Variants in MCTP2 observed in about 807,000 individuals in gnomAD.
The protein encoded by MCTP2 is multiple C2 and transmembrane domain containing 2.
Under a neutral mutation model 111.6 loss-of-function variants are expected in MCTP2, and 132 were observed. That is an observed-to-expected ratio of 1.18 (90% confidence interval 1.03 to 1.37). The LOEUF is 1.37. MCTP2 is among the 40% of genes most tolerant of loss of function. The probability of loss-of-function intolerance (pLI) is 0.00; values close to 1 mark genes in which losing one functional copy is unlikely to be tolerated. For missense variants in MCTP2, 1,183 were observed against 1,067.9 expected (o/e 1.11, Z -1.50); for synonymous variants, 395 against 387.7 (o/e 1.02, Z -0.22).
chr15:94,472,072 C>A (rs2073974139), intron 21 of MCTP2, among the ~76,000 whole-genome samples: 1 of 152,202 alleles, frequency 6.6e-6, no homozygotes, highest in African/African-American at 2.4e-5. Flanking sequence ...ATGCATCTTT[C>A]CTTCCACAAA....
intron 17 of MCTP2, among the ~76,000 whole-genome samples, chr15:94,431,464 A>C (rs984596969): frequency 2.6e-5 from 4 of 152,190 alleles, no homozygotes; most frequent in Non-Finnish European, 2.9e-5. Context: ...TGAATGTCTT[A>C]ATGTTGGCCA....
chr15:94,475,741 G>T (rs187667638), intron 21 of MCTP2, among the ~76,000 whole-genome samples: 1 of 152,094 alleles, frequency 6.6e-6, no homozygotes, highest in African/African-American at 2.4e-5. Context: ...TATGAGCTCC[G>T]GATATAGTCA....
chr15:94,356,502 AT>A (rs1452655953), intron 9 of MCTP2, among the ~76,000 whole-genome samples: 1 of 152,172 alleles, frequency 6.6e-6, no homozygotes, highest in Non-Finnish European at 1.5e-5. Flanking sequence ...GTACAGTTTA[AT>A]TTAGTAACTC....
intron 17 of MCTP2, among the ~76,000 whole-genome samples, chr15:94,412,838 G>A (rs765683488): frequency 6.6e-6 from 1 of 150,938 alleles, no homozygotes; most frequent in Non-Finnish European, 1.5e-5. Flanking sequence ...AACTTTTATA[G>A]GCTAATTCAT....
chr15:94,248,389 C>A (rs142991628), intron 1 of MCTP2, among the ~76,000 whole-genome samples: 1 of 152,152 alleles, frequency 6.6e-6, no homozygotes, highest in African/African-American at 2.4e-5. Flanking sequence ...CAGGCAAGGA[C>A]GTGACTGTGG....
In MCTP2 at chr15:94,379,808, TTA is replaced by T. The variant is rs201008582; in HGVS notation, c.1583-4210_1583-4209del. Among the ~76,000 whole-genome samples, 53 of 144,748 alleles carry T rather than the reference TTA, an allele frequency of 3.7e-4. No individual in the cohort carries two copies. The East Asian group carries it at 9.4e-3, about 26-fold the overall frequency. The allele number at this position is 144,748 out of a possible 152,430, so 95.0% of individuals were successfully genotyped here. ...ATTATATATGATATGTAATATATAA[TTA>T]TATGACATAATTATATATGACATAT... is the stretch of plus-strand genomic sequence containing the variant. On this transcript the variant is annotated intron_variant, in intron 12 of 22. Coordinates refer to ENST00000357742, the MANE Select transcript of MCTP2 (RefSeq NM_001385001.1).
chr15:94,422,342 G>C (rs1282061565), intron 17 of MCTP2, among the ~76,000 whole-genome samples: 1 of 152,270 alleles, frequency 6.6e-6, no homozygotes, highest in Admixed American at 6.5e-5. Flanking sequence ...TTCCTAGTTA[G>C]TGAGTGAGTG....
chr15:94,405,419 A>G (rs905275001), intron 17 of MCTP2, among the ~76,000 whole-genome samples: 3 of 152,240 alleles, frequency 2.0e-5, no homozygotes, highest in Non-Finnish European at 4.4e-5. Flanking sequence ...GCATGAACAT[A>G]ATCGTATCTT....
At chr15:94,373,723 C>T (rs567917301) in intron 12 of MCTP2, among the ~76,000 whole-genome samples, 2 of 152,176 alleles carry the variant, frequency 1.3e-5, no homozygotes, top group African/African-American at 2.4e-5. Context: ...TCTATGCCAA[C>T]GTTAGACGTG....
intron 19 of MCTP2, among the ~76,000 whole-genome samples, chr15:94,446,539 T>C (rs954377462): frequency 6.6e-6 from 1 of 152,204 alleles, no homozygotes; most frequent in Non-Finnish European, 1.5e-5. Flanking sequence ...TATCCCATAC[T>C]TAGGAAAGGT....
chr15:94,293,703 C>A (rs888817186), intron 1 of MCTP2, among the ~76,000 whole-genome samples: 1 of 152,134 alleles, frequency 6.6e-6, no homozygotes, highest in Non-Finnish European at 1.5e-5. Context: ...AATTAAAAGT[C>A]CTGATGGTAC....
intron 17 of MCTP2, among the ~76,000 whole-genome samples, chr15:94,404,060 C>T (rs956133078): frequency 1.2e-4 from 19 of 152,160 alleles, no homozygotes; most frequent in African/African-American, 4.6e-4. Context: ...AACTCTACTT[C>T]CAAAAATTTA....
chr15:94,402,488 C>T (rs774959112), intron 17 of MCTP2: 28 of 1,551,600 alleles, frequency 1.8e-5, no homozygotes, highest in Non-Finnish European at 2.2e-5. Context: ...TCATTCAGCA[C>T]CGCAAAGAGG....
intron 1 of MCTP2, among the ~76,000 whole-genome samples, chr15:94,275,984 G>GATT (rs1555444905): frequency 4.0e-5 from 6 of 151,758 alleles, no homozygotes; most frequent in Non-Finnish European, 8.8e-5. Flanking sequence ...GAGTAGCTGG[G>GATT]ACAGGCACTT....
At chr15:94,296,864 G>A (rs562612595) in intron 1 of MCTP2, among the ~76,000 whole-genome samples, 12 of 152,288 alleles carry the variant, frequency 7.9e-5, no homozygotes, top group South Asian at 4.1e-4. Flanking sequence ...AGTTCATCCT[G>A]GGAGAAGCTC....
At chr15:94,458,981 C>T (rs753489038) in intron 20 of MCTP2, among the ~76,000 whole-genome samples, 1 of 152,144 alleles carries the variant, frequency 6.6e-6, no homozygotes, top group Non-Finnish European at 1.5e-5. Context: ...GACATGATAG[C>T]TAAACTCTCT....
chr15:94,385,905 C>T (rs541654336), intron 14 of MCTP2, among the ~76,000 whole-genome samples: 2 of 152,282 alleles, frequency 1.3e-5, no homozygotes, highest in South Asian at 4.1e-4. Context: ...CTGTACATTT[C>T]TTCAAAGATT....
chr15:94,267,754 G>A (rs1385560512), intron 1 of MCTP2, among the ~76,000 whole-genome samples: 2 of 151,812 alleles, frequency 1.3e-5, no homozygotes, highest in Admixed American at 6.6e-5. Context: ...GCATTGTCAG[G>A]ATTTTTGGTT....
At chr15:94,419,756 A>AT (rs375546096) in intron 17 of MCTP2, among the ~76,000 whole-genome samples, 54,019 of 147,050 alleles carry the variant, frequency 0.37, 9,841 homozygotes, top group African/African-American at 0.44. Context: ...CATACTGCTT[A>AT]TTTTTTTTTT....
Sources: gnomAD v4.1 joint callset for allele counts (sites outside exome capture counted in the v4.1 genomes callset) on GRCh38, gnomAD v4.1.1 for gene constraint, MANE v1.5 for transcripts, NCBI Gene and HGNC (gene_info 2026-07-23, HGNC 2026-07-21) for gene names.